The following FLT1 variants were observed in gnomAD, a reference collection of about 807,000 sequenced individuals.
The protein encoded by FLT1 is vascular endothelial growth factor receptor 1.
Under a neutral mutation model 156.3 loss-of-function variants are expected in FLT1, and 49 were observed. That is an observed-to-expected ratio of 0.31 (90% CI 0.25 to 0.40). The LOEUF is 0.40. FLT1 is among the 10% of genes least tolerant of loss of function. The pLI is 1.00. For synonymous variants in FLT1, 594 were observed against 583.8 expected, an observed-to-expected ratio of 1.02 and a Z score of -0.25; for missense variants, 1,322 against 1,637.2, an observed-to-expected ratio of 0.81 and a Z score of 3.32.
intron 24 of FLT1, 152 bp downstream of exon 24, chr13:28,319,271 C>G: frequency 3.0e-6 from 2 of 673,310 alleles, no homozygotes; most frequent in Non-Finnish European, 5.5e-6. Flanking sequence ...TACGCCATTA[C>G]TCATCTGAGA....
intron 13 of FLT1, chr13:28,386,569 C>T: frequency 9.5e-7 from 1 of 1,055,184 alleles, no homozygotes; most frequent in Non-Finnish European, 1.1e-6. Flanking sequence ...CATGTCTTTC[C>T]TATCTTATCT....
chr13:28,356,130 C>G (rs992121365), intron 15 of FLT1, among the ~76,000 whole-genome samples: 3 of 152,154 alleles, frequency 2.0e-5, no homozygotes, highest in African/African-American at 7.2e-5. Context: ...GTTTTCTCCT[C>G]TGGTCTGCCA....
Position 28,467,109 on chromosome 13 carries a change from C to A in FLT1, c.182G>T (p.Trp61Leu), listed in dbSNP as rs1435824046. 1.9e-6 allele frequency: 3 copies of A among 1,613,808 alleles called. No individual in the cohort carries two copies. Residue 61 changes from tryptophan to leucine, a missense_variant, in exon 3 of 30, where the codon TGG (tryptophan) becomes TTG (leucine). Trp to Leu is a moderately conservative substitution (Grantham distance 61). This residue lies in a region of FLT1 where 991 missense variants were observed against 1,254.8 expected (regional missense o/e 0.79). Coordinates refer to ENST00000282397, the MANE Select transcript of FLT1 (RefSeq NM_002019.4). ...LQCRGEAAHKWSLPEMVSKES... is the reference protein window; with the variant it reads ...LQCRGEAAHKLSLPEMVSKES... ...CTTACTCACCATTTCAGGCAAAGAC[C>A]ATTTATGGGCTGCTTCCCCCCTGCA... is the stretch of plus-strand genomic sequence containing the variant.
intron 10 of FLT1, among the ~76,000 whole-genome samples, chr13:28,421,742 A>G (rs1877014293): frequency 6.6e-6 from 1 of 152,280 alleles, no homozygotes; most frequent in Non-Finnish European, 1.5e-5. Flanking sequence ...ATCAGTGTGC[A>G]AACACTGGGA....
In FLT1 at chr13:28,390,043, T is replaced by C. The variant is rs1190507082; in HGVS notation, c.1722A>G (p.Lys574=). 1.2e-6 allele frequency: 2 copies of C among 1,614,174 alleles called. No individual in the cohort carries two copies. Among genetic ancestry groups the C allele is most frequent in the Non-Finnish European group, 1.7e-6 (2 of 1,180,026 alleles). The change falls in exon 13 of 30, where the codon AAA becomes AAG. Residue 574 remains lysine, a synonymous_variant. Transcript: ENST00000282397. ...EKMPTEGEDL[K]LSCTVNKFLY... is the part of the protein sequence containing the mutation. ...AGAACTTGTTAACTGTGCAAGACAG[T>C]TTCAGGTCCTCTCCTTCCGTCGGCA...
At chr13:28,364,713 T>A (rs1233589163) in intron 14 of FLT1, among the ~76,000 whole-genome samples, 8 of 152,222 alleles carry the variant, frequency 5.3e-5, no homozygotes, top group Admixed American at 2.0e-4. Flanking sequence ...GTGCCAGCTC[T>A]GTTCAGATAC....
chr13:28,364,064 T>C (rs1244945150), intron 14 of FLT1, among the ~76,000 whole-genome samples: 1 of 152,232 alleles, frequency 6.6e-6, no homozygotes, highest in Non-Finnish European at 1.5e-5. Flanking sequence ...TTGCCCATTT[T>C]TCTGTTGTCC....
intron 10 of FLT1, among the ~76,000 whole-genome samples, chr13:28,414,596 A>G (rs1400558344): frequency 6.6e-6 from 1 of 152,226 alleles, no homozygotes; most frequent in East Asian, 1.9e-4. Flanking sequence ...CATTAATGTT[A>G]GTTGTCAGTT....
Position 28,311,977 on chromosome 13 carries a change from A to G in FLT1, c.3492+16T>C. The G allele has an allele frequency of 6.5e-7, 1 of 1,546,076 alleles. No individual in the cohort carries two copies. Among genetic ancestry groups the G allele is most frequent in the South Asian group, 1.1e-5 (1 of 89,670 alleles). Reference sequence around the variant, plus strand: ...TACATTCAAAGGCATTTTGATGTAAATAAATTTAGTTTTACCTGTTGTACA... The same window carrying G: ...TACATTCAAAGGCATTTTGATGTAAGTAAATTTAGTTTTACCTGTTGTACA... On this transcript the variant is annotated intron_variant, in intron 26 of 29. Coordinates refer to ENST00000282397, the MANE Select transcript of FLT1 (RefSeq NM_002019.4).
In FLT1 at chr13:28,433,799, T is replaced by C. The variant is rs755279897; in HGVS notation, c.813+20A>G. 1.6e-5 allele frequency: 26 copies of C among 1,611,996 alleles called. No homozygotes were observed. The South Asian group carries it at 1.6e-4, about 10-fold the overall frequency. On this transcript the variant is annotated intron_variant, in intron 6 of 29. Coordinates refer to ENST00000282397, the MANE Select transcript of FLT1 (RefSeq NM_002019.4). The stretch of plus-strand genomic sequence containing the variant: ...TTAAAATACTGTCCTGCAGAAGAAA[T>C]AGAAAAATGGGTCACTCACTTCATC...
At chr13:28,435,503 A>G (rs542820252) in intron 4 of FLT1, among the ~76,000 whole-genome samples, 131 of 152,218 alleles carry the variant, frequency 8.6e-4, no homozygotes, top group African/African-American at 3.0e-3. Flanking sequence ...AAAAAGGGGG[A>G]AAAAAATCAA....
intron 10 of FLT1, among the ~76,000 whole-genome samples, chr13:28,410,867 A>G (rs1015865510): frequency 6.6e-6 from 1 of 152,220 alleles, no homozygotes; most frequent in African/African-American, 2.4e-5. Flanking sequence ...GAGCAGAATT[A>G]GGATCAGAAC....
chr13:28,474,411 C>T (rs758501196), intron 1 of FLT1, among the ~76,000 whole-genome samples: 3 of 151,860 alleles, frequency 2.0e-5, no homozygotes, highest in Non-Finnish European at 4.4e-5. Context: ...GCTGAGATTG[C>T]ACCACTGCAC....
At chr13:28,425,675 C>T (rs1320878494) in intron 10 of FLT1, among the ~76,000 whole-genome samples, 1 of 151,794 alleles carries the variant, frequency 6.6e-6, no homozygotes, top group South Asian at 2.1e-4. Flanking sequence ...CTCTGTTATT[C>T]CAGAAAAATT....
At chr13:28,428,432 G>A (rs1877476455) in intron 8 of FLT1, among the ~76,000 whole-genome samples, 1 of 150,388 alleles carries the variant, frequency 6.6e-6, no homozygotes, top group African/African-American at 2.5e-5. Context: ...GTGAAATCAA[G>A]ACTATCAAGA....
intron 8 of FLT1, among the ~76,000 whole-genome samples, chr13:28,428,300 G>C (rs1259989090): frequency 1.3e-5 from 2 of 152,044 alleles, no homozygotes; most frequent in African/African-American, 4.8e-5. Context: ...GCCATTGTAA[G>C]TCAGATCAAG....
At chr13:28,305,966 GA>G (rs910137107) in intron 29 of FLT1, among the ~76,000 whole-genome samples, 1 of 152,194 alleles carries the variant, frequency 6.6e-6, no homozygotes, top group African/African-American at 2.4e-5. Context: ...TTAGGTGAAA[GA>G]GGAAAAGGTT....
intron 1 of FLT1, among the ~76,000 whole-genome samples, chr13:28,476,098 A>C (rs1424917792): frequency 6.6e-6 from 1 of 152,120 alleles, no homozygotes; most frequent in African/African-American, 2.4e-5. Context: ...TAAAGAAATG[A>C]AAGAATGTGC....
At position 28,368,164 on chromosome 13, in the gene FLT1, G is replaced by GT. The variant is rs556439811; in HGVS notation, c.2117-10480dup. The stretch of plus-strand genomic sequence containing the variant: ...TGTTTATTTATTTATTTATTTATTT[G>GT]TTTTTTGAGACGGAGTTTCGCTCTT... On this transcript the variant is annotated intron_variant, in intron 14 of 29. Transcript: ENST00000282397. The GT allele has an allele frequency of 1.3e-3, 690 of 535,030 alleles. 5 individuals are homozygous for GT. In the African/African-American group the frequency reaches 0.013, roughly 10 times the overall value. 33.1% of individuals were successfully genotyped at this position (535,030 alleles called of 1,614,324 possible).
Sources: gnomAD v4.1 joint callset for allele counts (sites outside exome capture counted in the v4.1 genomes callset) on GRCh38, gnomAD v4.1.1 for gene constraint, gnomAD v4.1.1 regional missense constraint, MANE v1.5 for transcripts, NCBI Gene and HGNC (gene_info 2026-07-23, HGNC 2026-07-21) for gene names.